SPECC1: variants seen among roughly 807,000 people sequenced by gnomAD.
SPECC1 encodes sperm antigen with calponin homology and coiled-coil domains 1.
In SPECC1, 62 loss-of-function variants were observed where a neutral mutation model predicts 104.1. That is an observed-to-expected ratio of 0.60 (90% CI 0.49 to 0.74). The LOEUF is 0.74. Among genes scored for constraint, SPECC1 ranks in the 30% least tolerant of loss-of-function variants. The pLI, the probability that SPECC1 is intolerant of heterozygous loss-of-function variation, is 0.00. For missense variants in SPECC1, 1,306 were observed against 1,310.5 expected (o/e 1.00, Z 0.05); for synonymous variants, 513 against 501.6 (o/e 1.02, Z -0.30).
At chr17:20,285,342 T>C (rs2040906969) in intron 12 of SPECC1, among the ~76,000 whole-genome samples, 1 of 152,202 alleles carries the variant, frequency 6.6e-6, no homozygotes. Flanking sequence ...TACCTTCCCA[T>C]GTGTAATTCA....
At chr17:20,138,003 C>T (rs1224085988) in intron 3 of SPECC1, among the ~76,000 whole-genome samples, 1 of 151,974 alleles carries the variant, frequency 6.6e-6, no homozygotes, top group Non-Finnish European at 1.5e-5. Context: ...GGGTCTCACT[C>T]TGTTGCCCAG....
chr17:20,079,631 C>T (rs184838535), intron 1 of SPECC1, among the ~76,000 whole-genome samples: 14 of 152,272 alleles, frequency 9.2e-5, no homozygotes, highest in Non-Finnish European at 1.9e-4. Context: ...CAAAATAAGC[C>T]CTTCATCCAT....
At chr17:20,284,226 A>G (rs1236025717) in intron 12 of SPECC1, among the ~76,000 whole-genome samples, 1 of 152,212 alleles carries the variant, frequency 6.6e-6, no homozygotes, top group Non-Finnish European at 1.5e-5. Context: ...AACAATATCC[A>G]CTTCCCAGTG....
chr17:20,125,306 C>A (rs548930033), intron 3 of SPECC1, among the ~76,000 whole-genome samples: 2 of 152,202 alleles, frequency 1.3e-5, no homozygotes, highest in Admixed American at 1.3e-4. Context: ...ACTGAATGCG[C>A]GTCATGTTTG....
chr17:20,034,961 G>A (rs1455003094), intron 1 of SPECC1, among the ~76,000 whole-genome samples: 1 of 152,248 alleles, frequency 6.6e-6, no homozygotes, highest in East Asian at 1.9e-4. Context: ...GTCATTTTGA[G>A]TTAATTTTTC....
chr17:20,237,043 G>A (rs192786248), intron 7 of SPECC1: 3 of 1,484,642 alleles, frequency 2.0e-6, no homozygotes, highest in Admixed American at 2.3e-5. Flanking sequence ...CATTGCCGTC[G>A]AGTCTCTGCT....
intron 3 of SPECC1, among the ~76,000 whole-genome samples, chr17:20,193,443 C>T (rs1268392578): frequency 2.6e-5 from 4 of 152,130 alleles, no homozygotes; most frequent in African/African-American, 7.2e-5. Flanking sequence ...TATAAGAGAA[C>T]GCTTAATCCT....
intron 3 of SPECC1, among the ~76,000 whole-genome samples, chr17:20,137,259 C>G (rs1254301426): frequency 6.6e-6 from 1 of 152,196 alleles, no homozygotes; most frequent in Non-Finnish European, 1.5e-5. Flanking sequence ...TTCAGTCTGT[C>G]AGTTACTCAT....
chr17:20,294,777 T>C (rs1226152368), intron 12 of SPECC1, among the ~76,000 whole-genome samples: 2 of 152,142 alleles, frequency 1.3e-5, no homozygotes, highest in South Asian at 2.1e-4. Context: ...TGTACAAAAC[T>C]AATCAGGTGG....
At chr17:20,184,009 TAA>T (rs889227424) in intron 3 of SPECC1, among the ~76,000 whole-genome samples, 7 of 138,938 alleles carry the variant, frequency 5.0e-5, no homozygotes, top group Admixed American at 7.2e-5. Flanking sequence ...CATCTCTACT[TAA>T]AAAAAAAAAA....
chr17:20,082,116 G>A (rs2046998501), intron 1 of SPECC1, among the ~76,000 whole-genome samples: 1 of 152,160 alleles, frequency 6.6e-6, no homozygotes, highest in African/African-American at 2.4e-5. Context: ...CTTCCACCGT[G>A]CTCGCGCGCT....
chr17:20,021,145 T>G (rs2044358458), intron 1 of SPECC1, among the ~76,000 whole-genome samples: 1 of 152,018 alleles, frequency 6.6e-6, no homozygotes. Context: ...CCTTGTCATC[T>G]TCATGTTGAG....
At chr17:20,090,582 A>C (rs1597677047) in intron 1 of SPECC1, among the ~76,000 whole-genome samples, 1 of 129,936 alleles carries the variant, frequency 7.7e-6, no homozygotes, top group East Asian at 2.0e-4. Flanking sequence ...AGACCATTTT[A>C]CACTATTCCA....
chr17:20,080,879 A>AG (rs948965472), intron 1 of SPECC1, among the ~76,000 whole-genome samples: 21 of 151,468 alleles, frequency 1.4e-4, no homozygotes, highest in East Asian at 3.9e-4. Flanking sequence ...GGATCAGTGC[A>AG]GGGGGGGGTG....
At position 20,110,454 on chromosome 17, in the gene SPECC1, C is replaced by A. The variant is rs1037328229; in HGVS notation, c.175C>A (p.Leu59Ile). The change falls in exon 3 of 15, where the codon CTC becomes ATC. Residue 59 changes from leucine (L) to isoleucine (I), a missense_variant. Physicochemically the swap from Leu to Ile is conservative, Grantham distance 5. Coordinates refer to ENST00000395527, the MANE Select transcript of SPECC1 (RefSeq NM_001243439.2). The stretch of plus-strand genomic sequence containing the variant: ...CAAGAGGGCCAGCAGTGAGGACACG[C>A]TCAACAAGCCAGGAAGTACCGCTGC... The part of the protein sequence containing the change: ...RLKRASSEDT[L>I]NKPGSTAASG... The A allele has an allele frequency of 1.9e-6, 3 of 1,613,810 alleles. No individual in the cohort carries two copies. The highest frequency in any genetic ancestry group is 3.3e-5 in the Admixed American group (2 of 60,006).
rs73307286 is a variant in SPECC1 at position 20,286,014 on chromosome 17, A to G, written c.2941-10947A>G. On this transcript the variant is annotated intron_variant, in intron 12 of 14. Coordinates refer to ENST00000395527, the MANE Select transcript of SPECC1 (RefSeq NM_001243439.2). ...TTTTTTGTAGAGACAGGGTCCCGCC[A>G]TGTTGCCCAGGCTAGTCTTGAGCTC... 6.9e-3 allele frequency among the ~76,000 whole-genome samples: 1,052 copies of G among 152,064 alleles called. 6 individuals are homozygous for G. The highest frequency in any genetic ancestry group is 0.023 in the African/African-American group (938 of 41,482).
intron 1 of SPECC1, among the ~76,000 whole-genome samples, chr17:20,075,129 C>T (rs1258862433): frequency 6.6e-6 from 1 of 152,224 alleles, no homozygotes; most frequent in Non-Finnish European, 1.5e-5. Context: ...CCTCAAACTC[C>T]TGACCTTAGG....
At chr17:20,195,442 A>C (rs1018600370) in intron 3 of SPECC1, among the ~76,000 whole-genome samples, 3 of 152,232 alleles carry the variant, frequency 2.0e-5, no homozygotes, top group African/African-American at 7.2e-5. Context: ...CATTTATGTA[A>C]ATATAGTCCA....
chr17:20,241,027 G>A (rs1342055932), intron 7 of SPECC1, among the ~76,000 whole-genome samples: 3 of 152,188 alleles, frequency 2.0e-5, no homozygotes, highest in Admixed American at 6.5e-5. Context: ...TTTGCCCCAG[G>A]TCCGTGTCTG....
Sources: gnomAD v4.1 joint callset for allele counts (sites outside exome capture counted in the v4.1 genomes callset) on GRCh38, gnomAD v4.1.1 for gene constraint, MANE v1.5 for transcripts, NCBI Gene and HGNC (gene_info 2026-07-23, HGNC 2026-07-21) for gene names.